The following IGFBP2 variants were observed in gnomAD, a reference collection of about 807,000 sequenced individuals.
IGFBP2 encodes insulin like growth factor binding protein 2, also known as insulin-like growth factor-binding protein 2.
Under a neutral mutation model 26.2 loss-of-function variants are expected in IGFBP2, and 12 were observed. The ratio of observed to expected loss-of-function variants is 0.46; its 90% CI spans 0.29 to 0.74. IGFBP2 has a LOEUF of 0.74. IGFBP2 is among the 30% of genes least tolerant of loss of function. The pLI is 0.09. For synonymous variants in IGFBP2, 189 were observed against 200.6 expected, an observed-to-expected ratio of 0.94 and a Z score of 0.49; for missense variants, 328 against 441.2, an observed-to-expected ratio of 0.74 and a Z score of 2.30.
At chr2:216,644,691 T>G (rs1218149716) in intron 1 of IGFBP2, among the ~76,000 whole-genome samples, 1 of 152,184 alleles carries the variant, frequency 6.6e-6, no homozygotes, top group African/African-American at 2.4e-5. Context: ...GTTCTAGACA[T>G]TGCCTGCTTC....
intron 1 of IGFBP2, among the ~76,000 whole-genome samples, chr2:216,655,377 G>T (rs565835241): frequency 6.6e-6 from 1 of 152,138 alleles, no homozygotes; most frequent in Non-Finnish European, 1.5e-5. Context: ...TCGTGATAGC[G>T]AGTGAGTTCT....
chr2:216,643,011 T>C (rs1461941688), intron 1 of IGFBP2, among the ~76,000 whole-genome samples: 1 of 152,108 alleles, frequency 6.6e-6, no homozygotes, highest in East Asian at 1.9e-4. Context: ...ATCCAAGTGG[T>C]CCTAGCACAT....
In IGFBP2 at chr2:216,633,727, C is replaced by T. The variant is rs1697435457; in HGVS notation, c.204C>T (p.Ala68=). Residue 68 remains alanine, a synonymous_variant, in exon 1 of 4, where the codon GCC becomes GCT. Coordinates refer to ENST00000233809, the MANE Select transcript of IGFBP2 (RefSeq NM_000597.3). ...VAPPAAVAAV[A]GGARMPCAEL... ...CGCCCGCCGCGGTGGCCGCAGTGGC[C>T]GGAGGCGCCCGCATGCCATGCGCGG... 3 of 1,244,846 alleles carry T rather than the reference C, an allele frequency of 2.4e-6. No individual in the cohort carries two copies. The highest frequency in any genetic ancestry group is 3.0e-6 in the Non-Finnish European group (3 of 996,206). 77.1% of individuals were successfully genotyped at this position (1,244,846 alleles called of 1,614,324 possible).
chr2:216,639,455 G>A (rs1257244890), intron 1 of IGFBP2, among the ~76,000 whole-genome samples: 2 of 152,130 alleles, frequency 1.3e-5, no homozygotes, highest in African/African-American at 2.4e-5. Context: ...AAGGAATGAA[G>A]GAGGAGCAGA....
chr2:216,658,588 C>T (rs557507324), intron 1 of IGFBP2, among the ~76,000 whole-genome samples: 7 of 152,130 alleles, frequency 4.6e-5, no homozygotes, highest in East Asian at 1.9e-4. Context: ...CTTGCTCTGT[C>T]GCCCAGGCTG....
chr2:216,659,672 CA>C, intron 1 of IGFBP2: 1 of 1,505,286 alleles, frequency 6.6e-7, no homozygotes, highest in Non-Finnish European at 8.9e-7. Context: ...GCTGTGCATA[CA>C]AAAGGTTGAA....
chr2:216,660,964 G>T (rs1688629726), intron 2 of IGFBP2, 178 bp downstream of exon 2: 2 of 604,544 alleles, frequency 3.3e-6, no homozygotes, highest in African/African-American at 1.8e-5. Flanking sequence ...CAGTATCTCT[G>T]GCTGTGAAAT....
intron 1 of IGFBP2, among the ~76,000 whole-genome samples, chr2:216,650,061 A>G (rs551941441): frequency 1.4e-4 from 22 of 152,360 alleles, no homozygotes; most frequent in African/African-American, 4.8e-4. Flanking sequence ...CTCACCAGGA[A>G]GTTCTTCAGG....
chr2:216,634,482 G>A (rs1024955796), intron 1 of IGFBP2, among the ~76,000 whole-genome samples: 1 of 152,174 alleles, frequency 6.6e-6, no homozygotes, highest in Non-Finnish European at 1.5e-5. Context: ...TTGTGAGTTG[G>A]AAAGAAAGGA....
chr2:216,634,066 C>G lies in IGFBP2; in HGVS notation c.442+101C>G, dbSNP rs895146864. 13 of 1,426,628 alleles carry G rather than the reference C, an allele frequency of 9.1e-6. No homozygotes were observed. In the African/African-American group the frequency reaches 1.6e-4, roughly 18 times the overall value. 88.4% of individuals were successfully genotyped at this position (1,426,628 alleles called of 1,614,324 possible). A position where few individuals can be genotyped will look rare whatever the true frequency, so the allele number is the denominator to read the frequency against. On this transcript the variant is annotated intron_variant, in intron 1 of 3. Transcript: ENST00000233809. ...CGGACGGTTTTAGGGGCGGCAGAGC[C>G]GAGACCTTGGACCAAATCAAGGGGG... is the stretch of plus-strand genomic sequence containing the variant.
chr2:216,661,846 CTGTG>C lies in IGFBP2; in HGVS notation c.673-11_673-8del. ...CCTCACTCCGGGCGTCCCCTGCTGT[CTGTG>C]CGTGCAGACTCCCTGCCAACAGGAA... is the stretch of plus-strand genomic sequence containing the variant. On this transcript the variant is annotated splice_region_variant and splice_polypyrimidine_tract_variant and intron_variant, in intron 2 of 3. Transcript: ENST00000233809. 6.2e-7 allele frequency: 1 copy of C among 1,614,102 alleles called. No homozygotes were observed. The highest frequency in any genetic ancestry group is 8.5e-7 in the Non-Finnish European group (1 of 1,180,030).
In IGFBP2 at chr2:216,633,506, G is replaced by C. The variant is rs1697424963; in HGVS notation, c.-18G>C. 1 of 724,118 alleles carries C rather than the reference G, an allele frequency of 1.4e-6. No homozygotes were observed. Among genetic ancestry groups the C allele is most frequent in the Non-Finnish European group, 1.7e-6 (1 of 588,908 alleles). 44.9% of individuals were successfully genotyped at this position (724,118 alleles called of 1,614,324 possible). ...CGCTCGCTCGCTCGCCCGCCGCGCC[G>C]CGCTGCCGACCGCCAGCATGCTGCC... On this transcript the variant is annotated 5_prime_UTR_variant, in exon 1 of 4. Transcript: ENST00000233809.
chr2:216,662,192 C>G (rs1688671074), intron 3 of IGFBP2, 194 bp downstream of exon 3: 1 of 631,668 alleles, frequency 1.6e-6, no homozygotes, highest in African/African-American at 1.8e-5. Flanking sequence ...CTGCCTCCGA[C>G]GGGTCAGTTG....
intron 1 of IGFBP2, among the ~76,000 whole-genome samples, chr2:216,640,801 G>A (rs1426433467): frequency 1.3e-5 from 2 of 152,166 alleles, no homozygotes; most frequent in East Asian, 3.9e-4. Flanking sequence ...TGATGTATGG[G>A]GCACAGTAAA....
intron 2 of IGFBP2, chr2:216,661,383 C>T (rs752456871): frequency 3.1e-5 from 9 of 289,948 alleles, no homozygotes; most frequent in African/African-American, 1.5e-4. Context: ...GGATTACAGG[C>T]GCCAGCCACT....
intron 1 of IGFBP2, among the ~76,000 whole-genome samples, chr2:216,636,335 C>T (rs9341106): frequency 0.014 from 2,200 of 152,226 alleles, 62 homozygotes; most frequent in African/African-American, 0.05. Flanking sequence ...TTAAACATAC[C>T]CTCTTATTTC....
intron 1 of IGFBP2, among the ~76,000 whole-genome samples, chr2:216,652,140 T>G (rs1192021161): frequency 6.6e-6 from 1 of 151,958 alleles, no homozygotes; most frequent in African/African-American, 2.4e-5. Flanking sequence ...ATACCATGTC[T>G]TGTTTAACAG....
chr2:216,651,976 G>A (rs975377013), intron 1 of IGFBP2, among the ~76,000 whole-genome samples: 2 of 152,038 alleles, frequency 1.3e-5, no homozygotes, highest in Non-Finnish European at 2.9e-5. Context: ...TGGCCAGGCT[G>A]GTCTTGAACT....
At chr2:216,640,598 C>T (rs760391393) in intron 1 of IGFBP2, among the ~76,000 whole-genome samples, 2 of 152,144 alleles carry the variant, frequency 1.3e-5, no homozygotes, top group African/African-American at 2.4e-5. Context: ...CGAGGGAGGC[C>T]GTTCTACCTC....
Sources: gnomAD v4.1 joint callset for allele counts (sites outside exome capture counted in the v4.1 genomes callset) on GRCh38, gnomAD v4.1.1 for gene constraint, MANE v1.5 for transcripts, NCBI Gene and HGNC (gene_info 2026-07-23, HGNC 2026-07-21) for gene names.